The following INVS variants were observed in gnomAD, a reference collection of about 807,000 sequenced individuals.
The protein encoded by INVS is inversin, also known as inversion of embryo turning homolog.
Under a neutral mutation model 108.8 loss-of-function variants are expected in INVS, and 86 were observed. The observed-to-expected ratio is 0.79, with a 90% CI of 0.66 to 0.95. INVS has a LOEUF of 0.95. INVS is among the 40% of genes least tolerant of loss of function. The pLI is 0.00. For synonymous variants in INVS, 455 were observed against 473.5 expected, an observed-to-expected ratio of 0.96 and a Z score of 0.51; for missense variants, 1,169 against 1,297.4, an observed-to-expected ratio of 0.90 and a Z score of 1.52.
intron 3 of INVS, among the ~76,000 whole-genome samples, chr9:100,204,594 A>G (rs1400676044): frequency 1.3e-5 from 2 of 152,186 alleles, no homozygotes; most frequent in African/African-American, 2.4e-5. Flanking sequence ...AAATTCTTCA[A>G]TTCATTCTAG....
At chr9:100,152,258 A>G (rs1588042721) in intron 3 of INVS, among the ~76,000 whole-genome samples, 2 of 152,166 alleles carry the variant, frequency 1.3e-5, no homozygotes, top group African/African-American at 4.8e-5. Flanking sequence ...ACTTAACGAC[A>G]CTCAATCAAT....
rs146474855 is a variant in INVS, at chr9:100,171,902, C to T, written c.273+45353C>T. Among the ~76,000 whole-genome samples the T allele has an allele frequency of 4.0e-3, 604 of 152,204 alleles. 5 individuals are homozygous for T. The highest frequency in any genetic ancestry group is 0.013 in the African/African-American group (540 of 41,544). ...TGACTTAGGCTCTGCTTCTTTCTAA[C>T]GGTGATTTTAGGCAAGTTTTAAGTT... On this transcript the variant is annotated intron_variant, in intron 3 of 16. Coordinates refer to ENST00000262457, the MANE Select transcript of INVS (RefSeq NM_014425.5).
chr9:100,196,551 G>C (rs900876966), intron 3 of INVS, among the ~76,000 whole-genome samples: 1 of 151,952 alleles, frequency 6.6e-6, no homozygotes, highest in Non-Finnish European at 1.5e-5. Context: ...ACTCAAAATG[G>C]TTCCTTTATT....
intron 15 of INVS, 35 bp from the exon 16 acceptor site, chr9:100,297,901 G>T: frequency 6.8e-6 from 11 of 1,612,344 alleles, no homozygotes; most frequent in Non-Finnish European, 9.3e-6. Context: ...CGTATCCCTG[G>T]CCAAAGAAAA....
At chr9:100,191,483 T>C (rs1023914201) in intron 3 of INVS, among the ~76,000 whole-genome samples, 1 of 152,226 alleles carries the variant, frequency 6.6e-6, no homozygotes, top group African/African-American at 2.4e-5. Context: ...AAAACTTTCC[T>C]GTGCATTTTT....
At chr9:100,262,038 AT>A (rs35257593) in intron 10 of INVS, among the ~76,000 whole-genome samples, 20 of 149,088 alleles carry the variant, frequency 1.3e-4, no homozygotes, top group Middle Eastern at 3.5e-3. Context: ...ACATTGACTG[AT>A]TTTTTTTTTA....
chr9:100,177,765 C>G (rs1829763219), intron 3 of INVS, among the ~76,000 whole-genome samples: 1 of 152,212 alleles, frequency 6.6e-6, no homozygotes, highest in African/African-American at 2.4e-5. Context: ...CAACACAGCG[C>G]TCGAGCTCTG....
At chr9:100,258,520 G>T (rs1371132047) in intron 10 of INVS, among the ~76,000 whole-genome samples, 6 of 152,106 alleles carry the variant, frequency 3.9e-5, no homozygotes, top group African/African-American at 1.4e-4. Context: ...TTTCTACTCT[G>T]GTTTCTCCCC....
intron 3 of INVS, among the ~76,000 whole-genome samples, chr9:100,126,921 T>G (rs1159181579): frequency 6.6e-6 from 1 of 152,218 alleles, no homozygotes; most frequent in Non-Finnish European, 1.5e-5. Flanking sequence ...GGGGAATATA[T>G]ATGGAATTTT....
intron 11 of INVS, among the ~76,000 whole-genome samples, chr9:100,270,042 AT>A (rs66778244): frequency 0.011 from 1,647 of 152,332 alleles, 16 homozygotes; most frequent in African/African-American, 0.016. Flanking sequence ...GCTTAGAGAT[AT>A]AAAGTAAGTT....
chr9:100,232,717 C>A (rs985946278), intron 5 of INVS, among the ~76,000 whole-genome samples: 7 of 152,056 alleles, frequency 4.6e-5, no homozygotes, highest in East Asian at 3.9e-4. Flanking sequence ...GTCTATATAT[C>A]TGTTTTGGTA....
At chr9:100,245,106 C>G (rs1022239972) in intron 7 of INVS, among the ~76,000 whole-genome samples, 1 of 152,136 alleles carries the variant, frequency 6.6e-6, no homozygotes, top group African/African-American at 2.4e-5. Context: ...CACTTTTTGT[C>G]TGAAACTCTT....
At chr9:100,156,329 C>T (rs1408348744) in intron 3 of INVS, among the ~76,000 whole-genome samples, 4 of 145,798 alleles carry the variant, frequency 2.7e-5, no homozygotes, top group African/African-American at 7.8e-5. Flanking sequence ...GGTGCGGTCT[C>T]GGCTCACTGC....
chr9:100,272,712 T>C, intron 11 of INVS, 152 bp from the exon 12 acceptor site: 2 of 718,462 alleles, frequency 2.8e-6, no homozygotes, highest in Non-Finnish European at 4.7e-6. Context: ...AAAAAAAGAA[T>C]AGCCCTGTTA....
chr9:100,149,812 C>T (rs1828751909), intron 3 of INVS, among the ~76,000 whole-genome samples: 1 of 152,084 alleles, frequency 6.6e-6, no homozygotes, highest in Non-Finnish European at 1.5e-5. Context: ...CTTCATTTAG[C>T]TTCATAGTAG....
intron 12 of INVS, among the ~76,000 whole-genome samples, chr9:100,282,944 C>A (rs752074952): frequency 3.3e-5 from 5 of 152,166 alleles, no homozygotes; most frequent in Admixed American, 6.5e-5. Context: ...TTCTCTCTAG[C>A]CTAAGTCGGA....
At chr9:100,124,104 G>A (rs980848898) in intron 2 of INVS, among the ~76,000 whole-genome samples, 1 of 151,956 alleles carries the variant, frequency 6.6e-6, no homozygotes, top group Non-Finnish European at 1.5e-5. Flanking sequence ...CCACCCTGCT[G>A]GGTCTATGTT....
chr9:100,156,290 T>G (rs1828978294), intron 3 of INVS, among the ~76,000 whole-genome samples: 2 of 146,888 alleles, frequency 1.4e-5, no homozygotes, highest in Non-Finnish European at 3.0e-5. Flanking sequence ...AGACAGGGTC[T>G]CACTCTGTCT....
chr9:100,241,729 C>G (rs904230537), intron 6 of INVS, among the ~76,000 whole-genome samples: 1 of 152,146 alleles, frequency 6.6e-6, no homozygotes, highest in African/African-American at 2.4e-5. Context: ...AGAACTCCAT[C>G]TTAGACCACC....
Sources: allele counts gnomAD v4.1 joint callset (sites outside exome capture counted in the v4.1 genomes callset), GRCh38; gene constraint gnomAD v4.1.1; transcripts MANE v1.5; gene names NCBI Gene and HGNC (gene_info 2026-07-23, HGNC 2026-07-21).